NAA38: variants seen among roughly 807,000 people sequenced by gnomAD.
The protein encoded by NAA38 is LSM domain containing 1.
A neutral mutation model predicts 12.6 loss-of-function variants in NAA38; 15 were observed. The observed-to-expected ratio is 1.19, with a 90% CI of 0.79 to 1.83. The LOEUF is 1.83. Among genes scored for constraint, NAA38 ranks in the 40% most tolerant of loss-of-function variants. The pLI, the probability that NAA38 is intolerant of heterozygous loss-of-function variation, is 0.00. For missense variants in NAA38, 183 were observed against 171.7 expected (o/e 1.07, Z -0.37); for synonymous variants, 88 against 69.9 (o/e 1.26, Z -1.29).
chr17:7,870,647 C>T (rs1314827378), intron 2 of NAA38, among the ~76,000 whole-genome samples: 2 of 151,780 alleles, frequency 1.3e-5, no homozygotes, highest in Admixed American at 6.6e-5. Context: ...TCTGGGTGGC[C>T]GAGGTGGGCA....
intron 2 of NAA38, among the ~76,000 whole-genome samples, chr17:7,875,513 T>C (rs563946462): frequency 1.3e-5 from 2 of 152,276 alleles, no homozygotes; most frequent in Admixed American, 1.3e-4. Flanking sequence ...TTTTAAACTT[T>C]TTTTGTAGAG....
upstream of NAA38, chr17:7,859,835 A>C: frequency 1.8e-6 from 1 of 546,962 alleles, no homozygotes; most frequent in Admixed American, 3.2e-5. Context: ...TGATACAAGA[A>C]GATCAAGTAC....
chr17:7,858,636 T>G, upstream of NAA38: 1 of 1,605,450 alleles, frequency 6.2e-7, no homozygotes. Flanking sequence ...GCTGACCGGC[T>G]GCCTGAGGTA....
intron 3 of NAA38, chr17:7,866,136 G>C (rs984095632): frequency 6.0e-6 from 1 of 165,994 alleles, no homozygotes. Flanking sequence ...GCCCAGGCTG[G>C]AGTGCAGCGG....
chr17:7,857,972 T>C (rs2078844918), upstream of NAA38: 9 of 1,480,514 alleles, frequency 6.1e-6, no homozygotes, highest in Non-Finnish European at 8.0e-6. Context: ...CCCCTGATAT[T>C]TATCTCAGTG....
rs372349142 is a variant in NAA38 at position 7,857,049 on chromosome 17, G to A, written c.231C>T (p.Ile77=). 1.9e-6 allele frequency: 3 copies of A among 1,612,406 alleles called. No individual in the cohort carries two copies. Among genetic ancestry groups the A allele is most frequent in the South Asian group, 1.1e-5 (1 of 91,066 alleles). Residue 77 remains isoleucine, a synonymous_variant, in exon 2 of 3, where the codon ATC becomes ATT. Transcript: ENST00000575771. ...TGAGGAACTCCTGCGCCGAGCCCAG[G>A]ATGACATTGCAGTCACGGTCAGTGC... ...FLCTDRDCNV[I]LGSAQEFLKP... is the part of the protein sequence containing the mutation.
In NAA38 at chr17:7,856,747, C is replaced by T; in HGVS notation, c.362G>A (p.Gly121Glu). The change falls in exon 3 of 3, where the codon GGG (glycine) becomes GAG (glutamate). Residue 121 changes from glycine to glutamate, a missense_variant. Gly to Glu is a moderately conservative substitution (Grantham distance 98, BLOSUM62 -2). Transcript: ENST00000575771. Reference sequence around the variant, plus strand: ...CCATCGTGGTCAGAGATACGGAGGCCCGGTCAGACTCTCCCTCTGCACCTC... The same window carrying T: ...CCATCGTGGTCAGAGATACGGAGGCTCGGTCAGACTCTCCCTCTGCACCTC... ...SIEVQRESLTGPPYL is the reference protein window; with the variant it reads ...SIEVQRESLTEPPYL The T allele has an allele frequency of 3.7e-6, 6 of 1,613,884 alleles. No individual in the cohort carries two copies. The highest frequency in any genetic ancestry group is 5.1e-6 in the Non-Finnish European group (6 of 1,179,908).
intron 3 of NAA38, chr17:7,864,627 G>A (rs1966930817): frequency 1.3e-5 from 2 of 152,178 alleles, no homozygotes; most frequent in Admixed American, 6.6e-5. Flanking sequence ...GCCTGGACTG[G>A]GTGTGGCAGC....
chr17:7,880,236 G>C (rs1967247775), intron 2 of NAA38, among the ~76,000 whole-genome samples: 1 of 151,970 alleles, frequency 6.6e-6, no homozygotes. Context: ...ATCAGAAAAA[G>C]AGGCTAGAAT....
Position 7,866,120 on chromosome 17 carries a change from T to C in NAA38, c.3+371A>G, listed in dbSNP as rs1386993361. 2.0e-5 allele frequency: 3 copies of C among 147,066 alleles called. No homozygotes were observed. In the East Asian group the frequency reaches 6.1e-4, roughly 30 times the overall value. 9.1% of individuals were successfully genotyped at this position (147,066 alleles called of 1,614,324 possible). A position where few individuals can be genotyped will look rare whatever the true frequency, so the allele number is the denominator to read the frequency against. ...TTTTTTTTTTGAGACGGAGTCTCGC[T>C]CTGTTGCCCAGGCTGGAGTGCAGCG... On this transcript the variant is annotated intron_variant, in intron 3 of 4. Transcript: ENST00000576861.
intron 2 of NAA38, among the ~76,000 whole-genome samples, chr17:7,875,526 A>G (rs1431294978): frequency 6.6e-6 from 1 of 152,118 alleles, no homozygotes; most frequent in Admixed American, 6.6e-5. Context: ...TTGTAGAGAT[A>G]GTCTTGCTAT....
At chr17:7,858,953 A>G (rs989927325), upstream of NAA38, 5 of 875,252 alleles carry the variant, frequency 5.7e-6, no homozygotes, top group Admixed American at 1.3e-4. Context: ...CATTGAGGCA[A>G]CTGAGGAAAG....
chr17:7,884,793 G>T, intron 1 of NAA38: 1 of 365,216 alleles, frequency 2.7e-6, no homozygotes. Flanking sequence ...TGGTGGGGGG[G>T]CCAGAGCCAC....
chr17:7,881,655 G>C (rs1967274647), intron 2 of NAA38, among the ~76,000 whole-genome samples: 1 of 151,098 alleles, frequency 6.6e-6, no homozygotes. Flanking sequence ...AAACAGGGTA[G>C]ACAGGCAAGA....
chr17:7,875,957 T>C (rs182654784), intron 2 of NAA38, among the ~76,000 whole-genome samples: 2 of 152,376 alleles, frequency 1.3e-5, no homozygotes, highest in East Asian at 1.9e-4. Flanking sequence ...ATCCATCTTA[T>C]AGCATGTATC....
chr17:7,859,640 CAA>C (rs745548841), upstream of NAA38: 2 of 1,604,094 alleles, frequency 1.2e-6, no homozygotes, highest in Non-Finnish European at 1.7e-6. Context: ...CGTGTAGACT[CAA>C]GACGTATTTC....
At chr17:7,866,240 C>T (rs1966973762) in intron 3 of NAA38, among the ~76,000 whole-genome samples, 1 of 149,302 alleles carries the variant, frequency 6.7e-6, no homozygotes, top group Non-Finnish European at 1.5e-5. Flanking sequence ...ATGCCCGCCA[C>T]CAAGCCCGGC....
At chr17:7,871,427 C>T (rs991531347) in intron 2 of NAA38, among the ~76,000 whole-genome samples, 44 of 152,310 alleles carry the variant, frequency 2.9e-4, no homozygotes, top group Admixed American at 1.3e-3. Context: ...ATCTTTTGTA[C>T]ATATACTTTA....
At chr17:7,858,366 G>C, upstream of NAA38, 1 of 1,614,082 alleles carries the variant, frequency 6.2e-7, no homozygotes, top group Non-Finnish European at 8.5e-7. Context: ...GTTCTCGAAG[G>C]GCTGGCATTG....
Sources: allele counts gnomAD v4.1 joint callset (sites outside exome capture counted in the v4.1 genomes callset), GRCh38; gene constraint gnomAD v4.1.1; transcripts MANE v1.5; gene names NCBI Gene and HGNC (gene_info 2026-07-23, HGNC 2026-07-21).